Variants in RASGEF1C observed in about 807,000 individuals in gnomAD.
RASGEF1C encodes ras-GEF domain-containing family member 1C.
In RASGEF1C, 27 loss-of-function variants were observed where a neutral mutation model predicts 58.1. The observed-to-expected ratio is 0.46, with a 90% CI of 0.34 to 0.64. The LOEUF is 0.64. Among genes scored for constraint, RASGEF1C ranks in the 30% least tolerant of loss-of-function variants. The pLI is 0.01. For synonymous variants in RASGEF1C, 243 were observed against 246.3 expected, an observed-to-expected ratio of 0.99 and a Z score of 0.13; for missense variants, 502 against 605.1, an observed-to-expected ratio of 0.83 and a Z score of 1.79.
chr5:180,136,534 C>T lies in RASGEF1C; in HGVS notation c.301-19G>A. On this transcript the variant is annotated intron_variant, in intron 3 of 13. Transcript: ENST00000361132. ...CCCGGGCCTACGGGCAAGCGAGGGG[C>T]ACCGCGCTCGTGAGGGGCGCCGGGT... 6.4e-7 allele frequency: 1 copy of T among 1,564,810 alleles called. No individual in the cohort carries two copies. Among genetic ancestry groups the T allele is most frequent in the Non-Finnish European group, 8.7e-7 (1 of 1,154,106 alleles).
At chr5:180,132,628 C>T (rs925602370) in intron 4 of RASGEF1C, among the ~76,000 whole-genome samples, 4 of 152,232 alleles carry the variant, frequency 2.6e-5, no homozygotes, top group Non-Finnish European at 5.9e-5. Context: ...CAGAGGGAGC[C>T]TCACAGGGCA....
At chr5:180,174,409 TGTGC>T (rs1305762208) in intron 1 of RASGEF1C, among the ~76,000 whole-genome samples, 2 of 150,686 alleles carry the variant, frequency 1.3e-5, no homozygotes, top group Non-Finnish European at 3.0e-5. Flanking sequence ...TGCGTCTGTG[TGTGC>T]GTGCGTGCAT....
chr5:180,176,899 A>G (rs1158451424), intron 1 of RASGEF1C, among the ~76,000 whole-genome samples: 1 of 152,194 alleles, frequency 6.6e-6, no homozygotes, highest in East Asian at 1.9e-4. Context: ...CCACAGCAGA[A>G]GCTATGAAAG....
At chr5:180,140,695 C>T (rs1488864321) in intron 1 of RASGEF1C, among the ~76,000 whole-genome samples, 1 of 152,236 alleles carries the variant, frequency 6.6e-6, no homozygotes, top group Non-Finnish European at 1.5e-5. Context: ...CACTGCTGCT[C>T]CTCCATCCGC....
intron 1 of RASGEF1C, among the ~76,000 whole-genome samples, chr5:180,154,042 C>G (rs1001388678): frequency 2.6e-5 from 4 of 152,204 alleles, no homozygotes; most frequent in African/African-American, 9.6e-5. Context: ...TGAGAGAGAA[C>G]TGACCAGCCC....
intron 1 of RASGEF1C, among the ~76,000 whole-genome samples, chr5:180,201,154 G>A (rs1262876856): frequency 6.6e-6 from 1 of 152,174 alleles, no homozygotes; most frequent in Non-Finnish European, 1.5e-5. Context: ...GAGCACGCCT[G>A]AGGGTGGGTG....
chr5:180,119,300 G>T, intron 8 of RASGEF1C, 46 bp downstream of exon 8: 2 of 1,508,600 alleles, frequency 1.3e-6, no homozygotes, highest in Non-Finnish European at 9.2e-7. Context: ...CCGGCCTCTC[G>T]GGGGACCCGT....
intron 1 of RASGEF1C, among the ~76,000 whole-genome samples, chr5:180,182,169 A>C (rs113313184): frequency 0.15 from 20,184 of 133,254 alleles, 1,728 homozygotes; most frequent in African/African-American, 0.24. Context: ...CGCGCCACTG[A>C]ACTCCAGCCT....
At chr5:180,151,555 A>C (rs1159696030) in intron 1 of RASGEF1C, among the ~76,000 whole-genome samples, 1 of 152,180 alleles carries the variant, frequency 6.6e-6, no homozygotes. Context: ...TACACCTTAT[A>C]CAAAAATTAA....
chr5:180,106,071 A>G (rs566970673), intron 12 of RASGEF1C, among the ~76,000 whole-genome samples: 39 of 152,340 alleles, frequency 2.6e-4, no homozygotes, highest in South Asian at 1.2e-3. Context: ...ATGGTGCACA[A>G]TTCAAAACTT....
intron 1 of RASGEF1C, among the ~76,000 whole-genome samples, chr5:180,208,311 CA>C (rs1756527117): frequency 6.6e-6 from 1 of 152,178 alleles, no homozygotes. Flanking sequence ...AGAGCTCCAC[CA>C]GCACCCCAAC....
chr5:180,104,399 C>G (rs997844800), intron 12 of RASGEF1C, among the ~76,000 whole-genome samples: 1 of 152,120 alleles, frequency 6.6e-6, no homozygotes, highest in Non-Finnish European at 1.5e-5. Flanking sequence ...TTCTGCCATG[C>G]GAGGACACAG....
intron 1 of RASGEF1C, among the ~76,000 whole-genome samples, chr5:180,151,278 G>A (rs909765282): frequency 6.6e-6 from 1 of 152,130 alleles, no homozygotes; most frequent in Non-Finnish European, 1.5e-5. Flanking sequence ...TAAGCCAAAA[G>A]AACAAAACTG....
intron 11 of RASGEF1C, among the ~76,000 whole-genome samples, chr5:180,112,392 G>A (rs1033455944): frequency 3.3e-5 from 5 of 152,220 alleles, no homozygotes; most frequent in Non-Finnish European, 7.4e-5. Flanking sequence ...GCCATGTGCT[G>A]TGGTTCCCAG....
chr5:180,140,804 A>T (rs539786902), intron 1 of RASGEF1C, among the ~76,000 whole-genome samples: 2 of 152,212 alleles, frequency 1.3e-5, no homozygotes, highest in African/African-American at 4.8e-5. Context: ...GCAGGATGCA[A>T]TCGGCAGAGA....
chr5:180,163,086 C>G (rs72821975), intron 1 of RASGEF1C, among the ~76,000 whole-genome samples: 1,998 of 152,124 alleles, frequency 0.013, 21 homozygotes, highest in Non-Finnish European at 0.021. Context: ...TGTATCCTGG[C>G]GTCTGTAGAA....
intron 1 of RASGEF1C, among the ~76,000 whole-genome samples, chr5:180,166,458 C>A (rs931615462): frequency 6.6e-6 from 1 of 151,558 alleles, no homozygotes; most frequent in Non-Finnish European, 1.5e-5. Context: ...AACACACCCT[C>A]TTAGCTTCCC....
chr5:180,121,985 T>C (rs374298679), intron 6 of RASGEF1C, among the ~76,000 whole-genome samples: 1 of 152,300 alleles, frequency 6.6e-6, no homozygotes, highest in African/African-American at 2.4e-5. Flanking sequence ...AGTATTCCCA[T>C]GCGCACAAAG....
At chr5:180,138,274 C>T in intron 1 of RASGEF1C, 1 of 422,614 alleles carries the variant, frequency 2.4e-6, no homozygotes, top group Non-Finnish European at 4.2e-6. Context: ...GGCCTCTCAA[C>T]TCTCCTGCAG....
Sources: gnomAD v4.1 joint callset for allele counts (sites outside exome capture counted in the v4.1 genomes callset) on GRCh38, gnomAD v4.1.1 for gene constraint, MANE v1.5 for transcripts, NCBI Gene and HGNC (gene_info 2026-07-23, HGNC 2026-07-21) for gene names.